Variants in HECW1 observed in about 807,000 individuals in gnomAD.
HECW1 encodes the protein HECT, C2 and WW domain containing E3 ubiquitin protein ligase 1, also known as E3 ubiquitin-protein ligase HECW1.
HECW1 carries 61 observed loss-of-function variants against 182.3 expected under a neutral mutation model. The observed-to-expected ratio is 0.33, with a 90% CI of 0.27 to 0.41. The LOEUF (loss-of-function observed/expected upper bound fraction) is 0.41. Among genes scored for constraint, HECW1 ranks in the 10% least tolerant of loss-of-function variants. HECW1 has a pLI of 1.00. For missense variants in HECW1, 1,739 were observed against 2,108.9 expected (o/e 0.82, Z 3.44); for synonymous variants, 859 against 832.6 (o/e 1.03, Z -0.55).
chr7:43,267,404 G>A (rs974545666), intron 3 of HECW1, among the ~76,000 whole-genome samples: 1 of 151,996 alleles, frequency 6.6e-6, no homozygotes, highest in Admixed American at 6.6e-5. Flanking sequence ...AGGAAATAAT[G>A]TCAATATAAT....
At chr7:43,315,703 A>T (rs1809154145) in intron 4 of HECW1, among the ~76,000 whole-genome samples, 1 of 152,044 alleles carries the variant, frequency 6.6e-6, no homozygotes, top group South Asian at 2.1e-4. Flanking sequence ...CATGTTGGCC[A>T]GGCTGATCTC....
At chr7:43,488,721 T>C (rs958814340) in intron 17 of HECW1, among the ~76,000 whole-genome samples, 3 of 152,154 alleles carry the variant, frequency 2.0e-5, no homozygotes, top group Admixed American at 2.0e-4. Context: ...TGTCCATTCC[T>C]GGGCCCCTTG....
At chr7:43,318,070 T>C (rs1350057895) in intron 4 of HECW1, among the ~76,000 whole-genome samples, 1 of 152,226 alleles carries the variant, frequency 6.6e-6, no homozygotes, top group Non-Finnish European at 1.5e-5. Context: ...TTTAGCACTA[T>C]GTCTGGAACA....
chr7:43,441,391 G>A (rs957353939), intron 9 of HECW1, among the ~76,000 whole-genome samples: 16 of 152,072 alleles, frequency 1.1e-4, no homozygotes, highest in African/African-American at 3.4e-4. Flanking sequence ...ATTCTGTAGC[G>A]CCCACAGACT....
intron 5 of HECW1, among the ~76,000 whole-genome samples, chr7:43,341,667 A>G (rs928581479): frequency 6.6e-6 from 1 of 151,822 alleles, no homozygotes; most frequent in African/African-American, 2.4e-5. Context: ...TTAAACATTT[A>G]TGACTTTTCC....
chr7:43,367,748 T>G (rs759856785), intron 6 of HECW1, among the ~76,000 whole-genome samples: 1 of 152,202 alleles, frequency 6.6e-6, no homozygotes, highest in Non-Finnish European at 1.5e-5. Context: ...GTCTCCATTC[T>G]CAAAAGTCAA....
chr7:43,312,425 A>G (rs1808652301), intron 4 of HECW1, among the ~76,000 whole-genome samples: 1 of 152,254 alleles, frequency 6.6e-6, no homozygotes. Context: ...TTATAAGACA[A>G]AGTAACACCA....
chr7:43,186,882 G>T (rs1441972256), intron 2 of HECW1, among the ~76,000 whole-genome samples: 2 of 152,140 alleles, frequency 1.3e-5, no homozygotes, highest in Admixed American at 1.3e-4. Flanking sequence ...GAACCATCTA[G>T]GTTTGTTTAA....
chr7:43,427,796 G>A (rs1300793039), intron 8 of HECW1, among the ~76,000 whole-genome samples: 1 of 152,144 alleles, frequency 6.6e-6, no homozygotes, highest in Non-Finnish European at 1.5e-5. Flanking sequence ...ATTGGCCAGA[G>A]CAGTCCATGA....
intron 3 of HECW1, among the ~76,000 whole-genome samples, chr7:43,295,845 C>T: frequency 6.6e-6 from 1 of 152,120 alleles, no homozygotes; most frequent in East Asian, 1.9e-4. Context: ...GAGAAAGATG[C>T]AATAAACTGT....
Position 43,139,837 on chromosome 7 carries a change from T to TGTG in HECW1, c.-32+25449_-32+25451dup, listed in dbSNP as rs1203843327. Reference sequence around the variant, plus strand: ...AAGGGCAAATTTGGGGATCAGATTATGTGGTTTTGACTACCTTCCCAACCA... The same window carrying TGTG: ...AAGGGCAAATTTGGGGATCAGATTATGTGGTGGTTTTGACTACCTTCCCAACCA... On this transcript the variant is annotated intron_variant, in intron 2 of 29. Transcript: ENST00000395891. Among the ~76,000 whole-genome samples, 3 of 152,166 alleles carry TGTG rather than the reference T, an allele frequency of 2.0e-5. No homozygotes were observed. The East Asian group carries it at 5.8e-4, about 29-fold the overall frequency.
intron 3 of HECW1, among the ~76,000 whole-genome samples, chr7:43,278,954 T>G (rs143676979): frequency 1.0e-3 from 158 of 152,330 alleles, no homozygotes; most frequent in African/African-American, 3.6e-3. Flanking sequence ...GGACAGAAAT[T>G]TCTGTCTGTG....
chr7:43,408,637 G>A (rs931919251), intron 8 of HECW1, among the ~76,000 whole-genome samples: 1 of 152,062 alleles, frequency 6.6e-6, no homozygotes, highest in Non-Finnish European at 1.5e-5. Context: ...AGTGAGCTGG[G>A]ATCATGCCAC....
chr7:43,218,668 G>C (rs1796657655), intron 2 of HECW1, among the ~76,000 whole-genome samples: 1 of 152,154 alleles, frequency 6.6e-6, no homozygotes, highest in African/African-American at 2.4e-5. Context: ...TCATCTTCTG[G>C]ATTGATAGTT....
intron 21 of HECW1, among the ~76,000 whole-genome samples, chr7:43,503,757 T>C (rs905906200): frequency 3.9e-5 from 6 of 152,232 alleles, no homozygotes; most frequent in African/African-American, 1.4e-4. Context: ...TATGCCAAAG[T>C]ACTCTGTAAA....
chr7:43,153,216 A>G (rs1472516091), intron 2 of HECW1, among the ~76,000 whole-genome samples: 2 of 152,004 alleles, frequency 1.3e-5, no homozygotes, highest in East Asian at 3.9e-4. Context: ...TAAAAAATAT[A>G]TGGATTGTTT....
intron 2 of HECW1, among the ~76,000 whole-genome samples, chr7:43,148,072 A>T (rs1788908950): frequency 6.6e-6 from 1 of 152,204 alleles, no homozygotes; most frequent in Non-Finnish European, 1.5e-5. Context: ...TTCTTCTGGA[A>T]ATGAAACCTG....
chr7:43,409,011 T>A (rs904929330), intron 8 of HECW1, among the ~76,000 whole-genome samples: 2 of 152,232 alleles, frequency 1.3e-5, no homozygotes, highest in African/African-American at 4.8e-5. Flanking sequence ...TTTCTTCCTT[T>A]ATTTTTCAGA....
At chr7:43,259,868 TGA>T (rs1474469263) in intron 3 of HECW1, among the ~76,000 whole-genome samples, 1 of 152,086 alleles carries the variant, frequency 6.6e-6, no homozygotes, top group Non-Finnish European at 1.5e-5. Context: ...CCTAGAATAA[TGA>T]GAGAGAGAAT....
Sources: allele counts gnomAD v4.1 joint callset (sites outside exome capture counted in the v4.1 genomes callset), GRCh38; gene constraint gnomAD v4.1.1; transcripts MANE v1.5; gene names NCBI Gene and HGNC (gene_info 2026-07-23, HGNC 2026-07-21).